The following PIK3CB variants were observed in gnomAD, a reference collection of about 807,000 sequenced individuals.
PIK3CB encodes phosphatidylinositol 4,5-bisphosphate 3-kinase catalytic subunit beta isoform.
In PIK3CB, 39 loss-of-function variants were observed where a neutral mutation model predicts 136.8. The observed-to-expected ratio is 0.29, with a 90% CI of 0.22 to 0.37. The LOEUF (loss-of-function observed/expected upper bound fraction) is 0.37. PIK3CB is among the 10% of genes least tolerant of loss of function. The probability of loss-of-function intolerance (pLI) is 1.00; values close to 1 mark genes in which losing one functional copy is unlikely to be tolerated. For synonymous variants in PIK3CB, 428 were observed against 436.6 expected (o/e 0.98, Z 0.25); for missense variants, 868 against 1,275.4 (o/e 0.68, Z 4.87).
At chr3:138,662,993 G>A (rs542477625) in intron 21 of PIK3CB, among the ~76,000 whole-genome samples, 2 of 152,228 alleles carry the variant, frequency 1.3e-5, no homozygotes, top group East Asian at 3.9e-4. Context: ...CAGGACATAG[G>A]CATGGGCAAG....
Position 138,656,231 on chromosome 3 carries a change from G to A in PIK3CB, c.2986C>T (p.His996Tyr), listed in dbSNP as rs2043189028. The A allele has an allele frequency of 1.2e-6, 2 of 1,614,142 alleles. No individual in the cohort carries two copies. The highest frequency in any genetic ancestry group is 1.7e-6 in the Non-Finnish European group (2 of 1,179,994). Residue 996 changes from histidine to tyrosine, a missense_variant, in exon 23 of 24, where the codon CAT becomes TAT. Around this residue, in one of 4 missense-constraint regions of PIK3CB, gnomAD observed 88 missense variants for 147.8 expected, o/e 0.60. Coordinates refer to ENST00000674063, the MANE Select transcript of PIK3CB (RefSeq NM_006219.3). Reference sequence around the variant, plus strand: ...AAGAGAGTGATGAAGAGATTCCCATGCCGTCGTAAAATCAGATATGCATCC... The same window carrying A: ...AAGAGAGTGATGAAGAGATTCCCATACCGTCGTAAAATCAGATATGCATCC... ...CEDAYLILRR[H>Y]GNLFITLFAL... is the part of the protein sequence containing the mutation.
chr3:138,705,174 C>CAAAAAAAAAAAAAAAAAAAA (rs1159172292), intron 11 of PIK3CB, among the ~76,000 whole-genome samples: 1 of 57,062 alleles, frequency 1.8e-5, no homozygotes, highest in Non-Finnish European at 3.0e-5. Flanking sequence ...AAAAAAAAAA[C>CAAAAAAAAAAAAAAAAAAAA]AAAAAACAAA....
intron 14 of PIK3CB, among the ~76,000 whole-genome samples, chr3:138,693,247 C>G (rs186523885): frequency 2.6e-4 from 39 of 152,112 alleles, no homozygotes; most frequent in African/African-American, 8.9e-4. Flanking sequence ...GTGCGCACCT[C>G]CACGCCCAGC....
At chr3:138,764,224 G>T (rs1175917343) in intron 2 of PIK3CB, among the ~76,000 whole-genome samples, 2 of 151,970 alleles carry the variant, frequency 1.3e-5, no homozygotes, top group Non-Finnish European at 2.9e-5. Context: ...CAAGGCAGGA[G>T]GACTGCTTGA....
At chr3:138,779,845 G>A (rs961183387) in intron 2 of PIK3CB, among the ~76,000 whole-genome samples, 2 of 151,894 alleles carry the variant, frequency 1.3e-5, no homozygotes, top group Admixed American at 1.3e-4. Flanking sequence ...CATTTCTTAT[G>A]AGAAATATTT....
At chr3:138,706,256 T>A (rs1420700898) in intron 11 of PIK3CB, among the ~76,000 whole-genome samples, 1 of 152,294 alleles carries the variant, frequency 6.6e-6, no homozygotes, top group East Asian at 1.9e-4. Flanking sequence ...AAAAACACCA[T>A]GCCAAACCTA....
chr3:138,735,590 C>T (rs2045085661), intron 6 of PIK3CB, among the ~76,000 whole-genome samples: 1 of 152,140 alleles, frequency 6.6e-6, no homozygotes, highest in African/African-American at 2.4e-5. Flanking sequence ...GCAAGTATTA[C>T]CAGCCGTCTT....
At chr3:138,812,578 A>G (rs540078761) in intron 1 of PIK3CB, among the ~76,000 whole-genome samples, 1 of 143,192 alleles carries the variant, frequency 7.0e-6, no homozygotes, top group African/African-American at 2.6e-5. Context: ...CCCAGCCTGG[A>G]GTGCAATGGT....
At chr3:138,688,803 C>A in intron 16 of PIK3CB, 72 bp downstream of exon 16, 1 of 866,534 alleles carries the variant, frequency 1.2e-6, no homozygotes, top group Non-Finnish European at 1.9e-6. Flanking sequence ...AAGATTAAAA[C>A]AAGCTGATAT....
intron 21 of PIK3CB, among the ~76,000 whole-genome samples, chr3:138,663,535 C>T (rs1352264860): frequency 1.3e-5 from 2 of 152,100 alleles, no homozygotes; most frequent in African/African-American, 2.4e-5. Context: ...GCGCCTGCCA[C>T]CATGCCTGGC....
chr3:138,803,826 GAA>G (rs543062161), intron 1 of PIK3CB, among the ~76,000 whole-genome samples: 63 of 152,270 alleles, frequency 4.1e-4, no homozygotes, highest in African/African-American at 1.5e-3. Context: ...TTGATTTTCA[GAA>G]AGTCTCTGTG....
intron 2 of PIK3CB, among the ~76,000 whole-genome samples, chr3:138,784,959 G>A (rs939852897): frequency 4.4e-4 from 66 of 151,072 alleles, no homozygotes; most frequent in African/African-American, 1.5e-3. Flanking sequence ...GTCTCTGCCC[G>A]GCCACCCCGT....
intron 8 of PIK3CB, among the ~76,000 whole-genome samples, chr3:138,720,906 A>C (rs1273933519): frequency 6.6e-6 from 1 of 152,112 alleles, no homozygotes; most frequent in Admixed American, 6.6e-5. Context: ...AAGAAAGAAA[A>C]TAAAGAAAAA....
intron 9 of PIK3CB, 42 bp downstream of exon 9, chr3:138,714,426 T>G: frequency 7.3e-7 from 1 of 1,371,684 alleles, no homozygotes; most frequent in Non-Finnish European, 1.0e-6. Flanking sequence ...TTAAAATTAT[T>G]CCGTTATATA....
At chr3:138,659,907 G>A (rs1224911709) in intron 21 of PIK3CB, among the ~76,000 whole-genome samples, 8 of 108,578 alleles carry the variant, frequency 7.4e-5, no homozygotes, top group African/African-American at 1.1e-4. Context: ...ACGGAGTCTT[G>A]CTCTGTCGCC....
At chr3:138,777,897 T>A (rs1195983098) in intron 2 of PIK3CB, 1 of 257,778 alleles carries the variant, frequency 3.9e-6, no homozygotes, top group East Asian at 1.0e-4. Context: ...TGCTTTTAAC[T>A]CTGGCGAAGT....
Position 138,736,945 on chromosome 3 carries a change from T to C in PIK3CB, c.801+762A>G, listed in dbSNP as rs114613725. On this transcript the variant is annotated intron_variant, in intron 6 of 23. Transcript: ENST00000674063. Reference sequence around the variant, plus strand: ...ACAAATAAGTTTTTATACAATTCAATGGATGACCATTTAATCGATTTTTAA... The same window carrying C: ...ACAAATAAGTTTTTATACAATTCAACGGATGACCATTTAATCGATTTTTAA... Among the ~76,000 whole-genome samples, 664 of 152,308 alleles carry C rather than the reference T, an allele frequency of 4.4e-3. 7 individuals are homozygous for C. Among genetic ancestry groups the C allele is most frequent in the African/African-American group, 0.015 (623 of 41,560 alleles).
intron 10 of PIK3CB, 37 bp from the exon 11 acceptor site, chr3:138,707,326 T>A (rs1345994343): frequency 1.3e-6 from 2 of 1,573,502 alleles, no homozygotes; most frequent in Admixed American, 3.9e-5. Context: ...TTAAAAAATG[T>A]CTTTAAAACT....
chr3:138,771,921 CAA>C (rs60381827), intron 2 of PIK3CB, among the ~76,000 whole-genome samples: 7 of 114,568 alleles, frequency 6.1e-5, no homozygotes, highest in African/African-American at 6.7e-5. Flanking sequence ...GACTCAGTCT[CAA>C]AAAAAAAAAA....
Sources: gnomAD v4.1 joint callset for allele counts (sites outside exome capture counted in the v4.1 genomes callset) on GRCh38, gnomAD v4.1.1 for gene constraint, gnomAD v4.1.1 regional missense constraint, MANE v1.5 for transcripts, NCBI Gene and HGNC (gene_info 2026-07-23, HGNC 2026-07-21) for gene names.